Variants in PNO1 observed in about 807,000 individuals in gnomAD.
PNO1 encodes the protein RNA-binding protein PNO1.
PNO1 carries 16 observed loss-of-function variants against 28.4 expected under a neutral mutation model. The ratio of observed to expected loss-of-function variants is 0.56; its 90% CI spans 0.38 to 0.85. PNO1 has a LOEUF of 0.85. PNO1 is among the 40% of genes least tolerant of loss of function. PNO1 has a pLI of 0.00. For missense variants in PNO1, 304 were observed against 312.2 expected (o/e 0.97, Z 0.20); for synonymous variants, 115 against 110.8 (o/e 1.04, Z -0.24).
chr2:68,167,790 TC>T (rs1194233263), intron 5 of PNO1, among the ~76,000 whole-genome samples: 1 of 152,236 alleles, frequency 6.6e-6, no homozygotes, highest in Non-Finnish European at 1.5e-5. Flanking sequence ...TAAAGCCACC[TC>T]TTTCTAACAT....
At chr2:68,163,796 G>A (rs1246890966) in intron 5 of PNO1, among the ~76,000 whole-genome samples, 2 of 152,134 alleles carry the variant, frequency 1.3e-5, no homozygotes, top group Non-Finnish European at 2.9e-5. Context: ...TAAAATAAAG[G>A]TGCCAGAAGT....
rs1415600493 is a variant in PNO1 at position 68,175,005 on chromosome 2, AATTG to A, written c.*208_*211del. On this transcript the variant is annotated 3_prime_UTR_variant, in exon 7 of 7. Transcript: ENST00000263657. The stretch of plus-strand genomic sequence containing the variant: ...GTTTTAGGATAATTTAAATATCAAA[AATTG>A]ATTGTTATACTTAACACATTAGGTA... 6.6e-5 allele frequency: 28 copies of A among 425,018 alleles called. No individual in the cohort carries two copies. The highest frequency in any genetic ancestry group is 5.7e-4 in the Admixed American group (12 of 21,068). The allele number at this position is 425,018 out of a possible 1,614,324, so 26.3% of individuals were successfully genotyped here. A position where few individuals can be genotyped will look rare whatever the true frequency, so the allele number is the denominator to read the frequency against.
In PNO1 at chr2:68,175,030, A is replaced by C; in HGVS notation, c.*228A>C. On this transcript the variant is annotated 3_prime_UTR_variant, in exon 7 of 7. Transcript: ENST00000263657. ...AATTGATTGTTATACTTAACACATT[A>C]GGTATAATTTATCATTTATCTGAAA... 2.4e-6 allele frequency: 1 copy of C among 419,388 alleles called. No homozygotes were observed. The highest frequency in any genetic ancestry group is 5.0e-5 in the South Asian group (1 of 20,016). 26.0% of individuals were successfully genotyped at this position (419,388 alleles called of 1,614,324 possible). A position where few individuals can be genotyped will look rare whatever the true frequency, so the allele number is the denominator to read the frequency against.
At chr2:68,163,545 ATACATACATACATAC>A in intron 5 of PNO1, among the ~76,000 whole-genome samples, 1 of 138,004 alleles carries the variant, frequency 7.2e-6, no homozygotes, top group Admixed American at 7.9e-5. Flanking sequence ...AAATAAATAC[ATACATACATACATAC>A]ATACATACAT....
chr2:68,166,984 C>T lies in PNO1; in HGVS notation c.620+4321C>T, dbSNP rs193130053. 2.3e-3 allele frequency among the ~76,000 whole-genome samples: 345 copies of T among 152,308 alleles called. 1 individual carries two copies. Among genetic ancestry groups the T allele is most frequent in the Middle Eastern group, 6.8e-3 (2 of 294 alleles). ...GTCTCTTTCATGATTTCTTGTTTGG[C>T]TCTGTCGTAAATCCTGTACTGTCAT... On this transcript the variant is annotated intron_variant, in intron 5 of 6. Transcript: ENST00000263657.
intron 2 of PNO1, chr2:68,161,115 C>T (rs1673818148): frequency 2.2e-6 from 1 of 444,752 alleles, no homozygotes; most frequent in South Asian, 1.7e-5. Context: ...GTGTTATTTA[C>T]AGTGGTAGGC....
At position 68,167,391 on chromosome 2, in the gene PNO1, A is replaced by G. The variant is rs563200674; in HGVS notation, c.620+4728A>G. 3.9e-5 allele frequency among the ~76,000 whole-genome samples: 6 copies of G among 152,316 alleles called. No homozygotes were observed. In the East Asian group the frequency reaches 7.7e-4, roughly 20 times the overall value. ...TCCTGACTTCAGGGAAAAAGCATCA[A>G]TGGAATCAATCCAGAAAAAGAGCTC... On this transcript the variant is annotated intron_variant, in intron 5 of 6. Coordinates refer to ENST00000263657, the MANE Select transcript of PNO1 (RefSeq NM_020143.4).
At chr2:68,161,637 G>C (rs1485167305) in intron 2 of PNO1, 46 bp from the exon 3 acceptor site, 4 of 1,179,800 alleles carry the variant, frequency 3.4e-6, no homozygotes, top group South Asian at 1.3e-5. Context: ...GACATTTTCT[G>C]TTTGATTCTC....
At chr2:68,172,717 C>G (rs1250391827) in intron 5 of PNO1, among the ~76,000 whole-genome samples, 1 of 152,068 alleles carries the variant, frequency 6.6e-6, no homozygotes, top group African/African-American at 2.4e-5. Flanking sequence ...CTTGGGCAGG[C>G]TTTTTGATTT....
chr2:68,162,689 A>ATGACAATAATT, intron 5 of PNO1, 26 bp downstream of exon 5: 1 of 1,283,802 alleles, frequency 7.8e-7, no homozygotes, highest in Non-Finnish European at 1.1e-6. Context: ...TGAGAAAATT[A>ATGACAATAATT]TTGTCATAAT....
chr2:68,160,451 A>G (rs1572936218), intron 2 of PNO1, among the ~76,000 whole-genome samples: 1 of 152,248 alleles, frequency 6.6e-6, no homozygotes, highest in East Asian at 1.9e-4. Flanking sequence ...TTCCGGGTCT[A>G]GCTCAAGTTC....
intron 3 of PNO1, 147 bp downstream of exon 3, chr2:68,161,913 T>A: frequency 1.6e-6 from 1 of 625,862 alleles, no homozygotes; most frequent in Non-Finnish European, 2.8e-6. Flanking sequence ...GGCAGGTGGA[T>A]CACTTGAGGC....
At chr2:68,168,485 A>G (rs1426638515) in intron 5 of PNO1, among the ~76,000 whole-genome samples, 1 of 152,268 alleles carries the variant, frequency 6.6e-6, no homozygotes, top group East Asian at 1.9e-4. Context: ...GCTGGGGTCA[A>G]TCTGTATCTA....
chr2:68,168,171 T>C (rs1237816533), intron 5 of PNO1, among the ~76,000 whole-genome samples: 2 of 152,030 alleles, frequency 1.3e-5, no homozygotes, highest in Admixed American at 1.3e-4. Flanking sequence ...AGTATACTTA[T>C]TTAACAGGTT....
chr2:68,173,617 G>T (rs939221321), intron 6 of PNO1, among the ~76,000 whole-genome samples, 200 bp downstream of exon 6: 1 of 131,768 alleles, frequency 7.6e-6, no homozygotes. Context: ...GAGTCTCGCT[G>T]TGTCGCCTAG....
chr2:68,166,012 T>A (rs7340307), intron 5 of PNO1, among the ~76,000 whole-genome samples: 113,487 of 152,142 alleles, frequency 0.75, 43,393 homozygotes, highest in African/African-American at 0.93. Context: ...CCATTGCTCT[T>A]GTTTCTGTCA....
intron 2 of PNO1, among the ~76,000 whole-genome samples, chr2:68,160,512 C>T (rs1298978831): frequency 6.6e-6 from 1 of 152,212 alleles, no homozygotes; most frequent in Non-Finnish European, 1.5e-5. Flanking sequence ...AGTGCCTAAA[C>T]TTTTCATGTG....
At chr2:68,172,454 T>C (rs62145951) in intron 5 of PNO1, among the ~76,000 whole-genome samples, 37,764 of 152,132 alleles carry the variant, frequency 0.25, 5,726 homozygotes, top group South Asian at 0.51. Context: ...GTTGAAGATA[T>C]AGAAGCTTTA....
At chr2:68,174,366 G>T (rs954113587) in intron 6 of PNO1, among the ~76,000 whole-genome samples, 1 of 134,566 alleles carries the variant, frequency 7.4e-6, no homozygotes, top group Non-Finnish European at 1.5e-5. Flanking sequence ...CCTTTTTCAC[G>T]TACAGTCTGC....
Sources: gnomAD v4.1 joint callset for allele counts (sites outside exome capture counted in the v4.1 genomes callset) on GRCh38, gnomAD v4.1.1 for gene constraint, MANE v1.5 for transcripts, NCBI Gene and HGNC (gene_info 2026-07-23, HGNC 2026-07-21) for gene names.